DPYD: variants seen among roughly 807,000 people sequenced by gnomAD.
DPYD encodes the protein dihydropyrimidine dehydrogenase, also known as dihydropyrimidine dehydrogenase [NADP(+)].
A neutral mutation model predicts 116.2 loss-of-function variants in DPYD; 109 were observed. That is an observed-to-expected ratio of 0.94 (90% CI 0.80 to 1.10). The LOEUF (loss-of-function observed/expected upper bound fraction) is 1.10, where lower values mean the gene tolerates loss of function less well. Among genes scored for constraint, DPYD ranks in the 50% least tolerant of loss-of-function variants. The pLI is 0.00. For synonymous variants in DPYD, 440 were observed against 432.0 expected (o/e 1.02, Z -0.23); for missense variants, 1,302 against 1,254.5 (o/e 1.04, Z -0.57).
chr1:97,704,228 T>C (rs954586400), intron 5 of DPYD, among the ~76,000 whole-genome samples: 29 of 152,108 alleles, frequency 1.9e-4, no homozygotes, highest in African/African-American at 6.5e-4. Flanking sequence ...GGCAAATGGA[T>C]AAAAAGCCAA....
intron 18 of DPYD, among the ~76,000 whole-genome samples, chr1:97,284,081 CTT>C (rs1452564152): frequency 6.6e-6 from 1 of 152,114 alleles, no homozygotes; most frequent in Non-Finnish European, 1.5e-5. Context: ...TAAATTAACT[CTT>C]CACATTTCCT....
chr1:97,424,059 G>A (rs530727233), intron 14 of DPYD, among the ~76,000 whole-genome samples: 54 of 152,032 alleles, frequency 3.6e-4, no homozygotes, highest in African/African-American at 1.2e-3. Flanking sequence ...GTATATAATG[G>A]TATTTATTTT....
intron 20 of DPYD, among the ~76,000 whole-genome samples, chr1:97,109,176 A>T (rs1329002191): frequency 6.6e-6 from 1 of 152,150 alleles, no homozygotes; most frequent in African/African-American, 2.4e-5. Context: ...AGCTGTTACT[A>T]TTTTGAAAAC....
chr1:97,362,217 A>C (rs1670770899), intron 16 of DPYD, among the ~76,000 whole-genome samples: 1 of 152,162 alleles, frequency 6.6e-6, no homozygotes, highest in South Asian at 2.1e-4. Context: ...GCTACAGAGA[A>C]TAAAATACCT....
intron 14 of DPYD, among the ~76,000 whole-genome samples, chr1:97,440,536 T>A (rs1675722825): frequency 6.6e-6 from 1 of 152,138 alleles, no homozygotes; most frequent in South Asian, 2.1e-4. Context: ...TTAGAGTATC[T>A]TTAAGGTACT....
rs376760113 is a variant in DPYD, at chr1:97,814,587, A to G, written c.233+13527T>C. The stretch of plus-strand genomic sequence containing the variant: ...GCATGTGAGAGAGAAAATTTTTTCC[A>G]CGAATTCCAGATTTGTAGTTCAAAT... On this transcript the variant is annotated intron_variant, in intron 3 of 22. Coordinates refer to ENST00000370192, the MANE Select transcript of DPYD (RefSeq NM_000110.4). Among the ~76,000 whole-genome samples the G allele has an allele frequency of 5.3e-5, 8 of 152,270 alleles. No homozygotes were observed. In the East Asian group the frequency reaches 1.5e-3, roughly 29 times the overall value.
intron 20 of DPYD, 71 bp from the exon 21 acceptor site, chr1:97,098,703 A>G (rs1040929895): frequency 2.6e-6 from 4 of 1,528,860 alleles, no homozygotes; most frequent in Admixed American, 3.6e-5. Context: ...ATATAAACAT[A>G]TAAATATTAT....
At chr1:97,375,029 C>A (rs56407136) in intron 15 of DPYD, among the ~76,000 whole-genome samples, 872 of 115,762 alleles carry the variant, frequency 7.5e-3, no homozygotes, top group African/African-American at 8.5e-3. Flanking sequence ...ACTCCAGTTC[C>A]AAAAAAAAAA....
intron 3 of DPYD, among the ~76,000 whole-genome samples, chr1:97,785,681 CTTTTTTTTTTTTTTT>C (rs35229030): frequency 6.4e-5 from 4 of 62,538 alleles, no homozygotes; most frequent in African/African-American, 1.4e-4. Context: ...GCCACTGACT[CTTTTTTTTTTTTTTT>C]TTTTTTTTTT....
chr1:97,786,132 G>C, intron 3 of DPYD, among the ~76,000 whole-genome samples: 1 of 149,192 alleles, frequency 6.7e-6, no homozygotes, highest in East Asian at 2.0e-4. Flanking sequence ...CGCAATTTAA[G>C]ACAATCAGAA....
intron 19 of DPYD, among the ~76,000 whole-genome samples, chr1:97,203,509 G>A (rs1423143755): frequency 6.6e-6 from 1 of 150,942 alleles, no homozygotes; most frequent in Non-Finnish European, 1.5e-5. Context: ...GGATAGCATT[G>A]GGAGATATAC....
At chr1:97,350,298 AAC>A (rs1670077323) in intron 16 of DPYD, among the ~76,000 whole-genome samples, 1 of 152,204 alleles carries the variant, frequency 6.6e-6, no homozygotes. Flanking sequence ...GTCTTATTTA[AAC>A]AGTTTTCTAA....
At chr1:97,835,121 A>G (rs1297920389) in intron 2 of DPYD, among the ~76,000 whole-genome samples, 1 of 152,060 alleles carries the variant, frequency 6.6e-6, no homozygotes, top group Non-Finnish European at 1.5e-5. Flanking sequence ...AGAATCTTAT[A>G]TGAGTCACAG....
At position 97,835,975 on chromosome 1, in the gene DPYD, A is replaced by G. The variant is rs75199627; in HGVS notation, c.151-7779T>C. On this transcript the variant is annotated intron_variant, in intron 2 of 22. Transcript: ENST00000370192. Reference sequence around the variant, plus strand: ...TCTCCACTAAATTAATTACCACCACAGGGAAACCACAGCTACACAACTGCT... The same window carrying G: ...TCTCCACTAAATTAATTACCACCACGGGGAAACCACAGCTACACAACTGCT... Among the ~76,000 whole-genome samples the G allele has an allele frequency of 1.2e-3, 187 of 152,290 alleles. 3 individuals are homozygous for G. The East Asian group carries it at 0.03, about 25-fold the overall frequency.
intron 20 of DPYD, among the ~76,000 whole-genome samples, chr1:97,190,165 C>T (rs1005551355): frequency 2.0e-5 from 3 of 152,108 alleles, no homozygotes; most frequent in Non-Finnish European, 4.4e-5. Flanking sequence ...TATTTCCAAC[C>T]TCTGGCCATT....
chr1:97,281,938 T>C (rs1665349114), intron 18 of DPYD, among the ~76,000 whole-genome samples: 1 of 152,166 alleles, frequency 6.6e-6, no homozygotes, highest in Non-Finnish European at 1.5e-5. Context: ...ATTGCTTCAC[T>C]TTGCATGTCT....
At chr1:97,373,686 A>G (rs777628811) in intron 15 of DPYD, 42 bp from the exon 16 acceptor site, 9 of 1,550,392 alleles carry the variant, frequency 5.8e-6, no homozygotes, top group Non-Finnish European at 8.0e-6. Context: ...GCAAAGCTTT[A>G]TTTATATACC....
intron 13 of DPYD, among the ~76,000 whole-genome samples, chr1:97,458,373 A>T (rs1186710030): frequency 2.0e-5 from 3 of 152,150 alleles, no homozygotes; most frequent in Admixed American, 2.0e-4. Flanking sequence ...ATCCCTTGCA[A>T]TATAACACAT....
At chr1:97,801,802 C>A (rs1054338943) in intron 3 of DPYD, among the ~76,000 whole-genome samples, 15 of 151,856 alleles carry the variant, frequency 9.9e-5, no homozygotes, top group Non-Finnish European at 1.8e-4. Context: ...ATTGAAATTT[C>A]AACCATGTGC....
Sources: gnomAD v4.1 joint callset for allele counts (sites outside exome capture counted in the v4.1 genomes callset) on GRCh38, gnomAD v4.1.1 for gene constraint, MANE v1.5 for transcripts, NCBI Gene and HGNC (gene_info 2026-07-23, HGNC 2026-07-21) for gene names.